The following HYDIN variants were observed in gnomAD, a reference collection of about 807,000 sequenced individuals.
HYDIN encodes the protein HYDIN axonemal central pair apparatus protein, also known as axonemal central pair apparatus protein HYDIN.
In HYDIN, 132 loss-of-function variants were observed where a neutral mutation model predicts 403.9. The observed-to-expected ratio is 0.33, with a 90% confidence interval of 0.28 to 0.38. HYDIN has a LOEUF of 0.38. HYDIN is among the 10% of genes least tolerant of loss of function. HYDIN has a pLI of 1.00. For synonymous variants in HYDIN, 1,202 were observed against 1,891.7 expected (o/e 0.64, Z 9.46); for missense variants, 2,827 against 5,009.5 (o/e 0.56, Z 13.15).
chr16:71,207,619 C>G (rs943193243), intron 1 of HYDIN, among the ~76,000 whole-genome samples: 3 of 152,138 alleles, frequency 2.0e-5, no homozygotes, highest in African/African-American at 7.2e-5. Flanking sequence ...TTAAAAGGCA[C>G]AGAGTGGCAA....
chr16:71,174,502 T>A (rs1331038442), intron 5 of HYDIN, among the ~76,000 whole-genome samples: 2 of 152,186 alleles, frequency 1.3e-5, no homozygotes, highest in African/African-American at 4.8e-5. Flanking sequence ...TTGTTCTGCA[T>A]ATTTAAGACT....
chr16:71,210,276 A>T (rs555245167), intron 1 of HYDIN, among the ~76,000 whole-genome samples: 1 of 152,372 alleles, frequency 6.6e-6, no homozygotes, highest in African/African-American at 2.4e-5. Flanking sequence ...CATCAATGGT[A>T]GACTCAATAA....
intron 1 of HYDIN, among the ~76,000 whole-genome samples, chr16:71,227,293 G>A (rs2041078461): frequency 6.6e-6 from 1 of 151,920 alleles, no homozygotes; most frequent in African/African-American, 2.4e-5. Flanking sequence ...ACCAGGAAAT[G>A]CAAATTAAAA....
At position 70,808,019 on chromosome 16, in the gene HYDIN, G is replaced by A. The variant is rs2035207565; in HGVS notation, c.14927C>T (p.Ala4976Val). ...TTCAGTGCCTCCCTGGCCTCCTGGGGCTGCATTAATGAGTTTTTCTGCGTG... is the reference window on the plus strand; with the variant it reads ...TTCAGTGCCTCCCTGGCCTCCTGGGACTGCATTAATGAGTTTTTCTGCGTG... ...DFHAEKLINA[A>V]PGGQGGTEAS... The change falls in exon 86 of 86, where the codon GCC (alanine) becomes GTC (valine). Residue 4976 changes from alanine to valine, a missense_variant. Physicochemically the swap from Ala to Val is moderately conservative, Grantham distance 64. Transcript: ENST00000393567. 1.2e-6 allele frequency: 2 copies of A among 1,613,612 alleles called. No individual in the cohort carries two copies. The highest frequency in any genetic ancestry group is 1.3e-5 in the African/African-American group (1 of 74,854).
At chr16:70,949,512 A>T (rs1597393291) in intron 41 of HYDIN, among the ~76,000 whole-genome samples, 1 of 152,332 alleles carries the variant, frequency 6.6e-6, no homozygotes, top group East Asian at 1.9e-4. Flanking sequence ...AGGATTTCTA[A>T]CTGGTGCTTT....
chr16:71,016,465 CA>C (rs1264454802), intron 23 of HYDIN, among the ~76,000 whole-genome samples: 1 of 150,862 alleles, frequency 6.6e-6, no homozygotes, highest in Non-Finnish European at 1.5e-5. Flanking sequence ...AAACAATAAA[CA>C]AGTGTTGGTG....
chr16:71,073,342 T>C (rs915699300), intron 13 of HYDIN, among the ~76,000 whole-genome samples: 1 of 152,348 alleles, frequency 6.6e-6, no homozygotes, highest in African/African-American at 2.4e-5. Flanking sequence ...GTTTTGGGCA[T>C]GCTTTGCTCA....
chr16:70,823,850 T>G (rs1332547140), intron 83 of HYDIN, among the ~76,000 whole-genome samples: 2 of 145,696 alleles, frequency 1.4e-5, no homozygotes, highest in Non-Finnish European at 3.0e-5. Flanking sequence ...AACTCTGATT[T>G]CTGCCTCCTC....
At chr16:71,115,290 C>T (rs2083980234) in intron 10 of HYDIN, among the ~76,000 whole-genome samples, 1 of 152,168 alleles carries the variant, frequency 6.6e-6, no homozygotes, top group Admixed American at 6.5e-5. Context: ...CCTCCTGCTG[C>T]CTTGTGAAGA....
intron 1 of HYDIN, among the ~76,000 whole-genome samples, chr16:71,214,137 A>T (rs1008718728): frequency 2.6e-5 from 4 of 152,086 alleles, no homozygotes; most frequent in African/African-American, 9.7e-5. Flanking sequence ...AAAAGTTTTT[A>T]AAAAATCAAC....
At chr16:70,980,826 G>T (rs551657671) in intron 29 of HYDIN, among the ~76,000 whole-genome samples, 10 of 152,186 alleles carry the variant, frequency 6.6e-5, no homozygotes, top group African/African-American at 2.4e-4. Flanking sequence ...CTCAGCTGAG[G>T]TTCGGAATCT....
At position 70,908,159 on chromosome 16, in the gene HYDIN, C is replaced by T. The variant is rs570302184; in HGVS notation, c.8396+93G>A. 27 of 1,089,146 alleles carry T rather than the reference C, an allele frequency of 2.5e-5. No individual in the cohort carries two copies. The Middle Eastern group carries it at 8.3e-4, about 33-fold the overall frequency. 67.5% of individuals were successfully genotyped at this position (1,089,146 alleles called of 1,614,324 possible). ...AGGGGCTGGGGTGCTGCCCCAGCTC[C>T]ACGTTATGGTAAGAGCCACCTTGTT... is the stretch of plus-strand genomic sequence containing the variant. On this transcript the variant is annotated intron_variant, in intron 49 of 85. Transcript: ENST00000393567.
chr16:71,052,083 G>A (rs1229075836), intron 18 of HYDIN, among the ~76,000 whole-genome samples: 1 of 152,258 alleles, frequency 6.6e-6, no homozygotes, highest in Non-Finnish European at 1.5e-5. Context: ...TATTTTCTAG[G>A]TATGCAAATT....
rs116460036 is a variant in HYDIN, at chr16:70,990,908, C to G, written c.3864+410G>C. ...AAGATTGCATCACATCATGGACATACAGCAATTTATCTTTCATTTTGTTTT... is the reference window on the plus strand; with the variant it reads ...AAGATTGCATCACATCATGGACATAGAGCAATTTATCTTTCATTTTGTTTT... On this transcript the variant is annotated intron_variant, in intron 25 of 85. Coordinates refer to ENST00000393567, the MANE Select transcript of HYDIN (RefSeq NM_001270974.2). Among the ~76,000 whole-genome samples the G allele has an allele frequency of 3.9e-3, 597 of 152,374 alleles. 5 individuals are homozygous for G. Among genetic ancestry groups the G allele is most frequent in the African/African-American group, 0.014 (582 of 41,594 alleles).
Position 70,853,284 on chromosome 16 carries a change from T to A in HYDIN, c.12443+1844A>T, listed in dbSNP as rs1221546225. On this transcript the variant is annotated intron_variant, in intron 73 of 85. Transcript: ENST00000393567. ...GTGGAATGTAAAATGGTTCAGCCAG[T>A]CTGGAAAGCATTTTCACCGTTTTTT... Among the ~76,000 whole-genome samples, 9 of 152,248 alleles carry A rather than the reference T, an allele frequency of 5.9e-5. No homozygotes were observed. In the East Asian group the frequency reaches 1.7e-3, roughly 29 times the overall value.
chr16:71,051,656 A>C (rs930984708), intron 18 of HYDIN, among the ~76,000 whole-genome samples: 1 of 150,856 alleles, frequency 6.6e-6, no homozygotes, highest in Non-Finnish European at 1.5e-5. Context: ...AAAAAAAAAA[A>C]AAACAAAAAA....
intron 1 of HYDIN, among the ~76,000 whole-genome samples, chr16:71,189,670 G>A (rs1326142985): frequency 6.6e-6 from 1 of 151,808 alleles, no homozygotes; most frequent in Non-Finnish European, 1.5e-5. Context: ...AGGAGGCTGA[G>A]GCAGGAGAAT....
intron 23 of HYDIN, among the ~76,000 whole-genome samples, chr16:71,005,511 A>G (rs950802313): frequency 2.0e-5 from 3 of 152,132 alleles, no homozygotes; most frequent in African/African-American, 7.2e-5. Context: ...ATCTCAGACT[A>G]CCAGTCTCCA....
chr16:71,005,365 G>A (rs564871663), intron 23 of HYDIN, among the ~76,000 whole-genome samples: 151 of 152,076 alleles, frequency 9.9e-4, no homozygotes, highest in South Asian at 3.6e-3. Flanking sequence ...CCAGCCTCAC[G>A]GAATTAGTGC....
Sources: gnomAD v4.1 joint callset for allele counts (sites outside exome capture counted in the v4.1 genomes callset) on GRCh38, gnomAD v4.1.1 for gene constraint, MANE v1.5 for transcripts, NCBI Gene and HGNC (gene_info 2026-07-23, HGNC 2026-07-21) for gene names.